Variants in PIK3R1 observed in about 807,000 individuals in gnomAD.
PIK3R1 encodes phosphoinositide-3-kinase regulatory subunit 1.
In PIK3R1, 29 loss-of-function variants were observed where a neutral mutation model predicts 98.0. The ratio of observed to expected loss-of-function variants is 0.30; its 90% CI spans 0.22 to 0.40. The LOEUF (loss-of-function observed/expected upper bound fraction) is 0.40, where lower values mean the gene tolerates loss of function less well. Ranked by LOEUF, PIK3R1 falls within the 10% of genes least tolerant of loss-of-function variation. The pLI is 1.00. For synonymous variants in PIK3R1, 282 were observed against 311.8 expected, an observed-to-expected ratio of 0.90 and a Z score of 1.01; for missense variants, 596 against 872.7, an observed-to-expected ratio of 0.68 and a Z score of 3.99.
chr5:68,273,129 G>A (rs962772204), intron 2 of PIK3R1, among the ~76,000 whole-genome samples: 3 of 152,136 alleles, frequency 2.0e-5, no homozygotes, highest in Admixed American at 6.6e-5. Context: ...CCTAGACAGG[G>A]GGGTTTGTCC....
intron 2 of PIK3R1, among the ~76,000 whole-genome samples, chr5:68,255,304 AGT>A (rs1745466130): frequency 6.6e-6 from 1 of 152,236 alleles, no homozygotes; most frequent in Admixed American, 6.5e-5. Context: ...AAGGGAAGTT[AGT>A]GTTGTAAAGG....
At chr5:68,273,632 G>A (rs555088066) in intron 3 of PIK3R1, 150 bp downstream of exon 3, 25 of 686,056 alleles carry the variant, frequency 3.6e-5, no homozygotes, top group South Asian at 3.6e-4. Context: ...TTGGGGCTAA[G>A]TACTGGGAAA....
intron 2 of PIK3R1, among the ~76,000 whole-genome samples, chr5:68,243,797 A>G (rs1308733696): frequency 6.6e-6 from 1 of 152,220 alleles, no homozygotes; most frequent in Non-Finnish European, 1.5e-5. Flanking sequence ...ATAGTCTGCC[A>G]TGAAATGATT....
intron 2 of PIK3R1, among the ~76,000 whole-genome samples, chr5:68,238,773 T>C (rs1744765392): frequency 6.6e-6 from 1 of 152,090 alleles, no homozygotes; most frequent in South Asian, 2.1e-4. Context: ...CCAAGTGAAA[T>C]AGAACAACAT....
chr5:68,252,084 A>G (rs1745332817), intron 2 of PIK3R1, among the ~76,000 whole-genome samples: 1 of 152,188 alleles, frequency 6.6e-6, no homozygotes, highest in Non-Finnish European at 1.5e-5. Context: ...CTAAAGAGCA[A>G]CAACTGGTCA....
At chr5:68,243,419 CAG>C (rs1744943724) in intron 2 of PIK3R1, among the ~76,000 whole-genome samples, 1 of 152,180 alleles carries the variant, frequency 6.6e-6, no homozygotes, top group Admixed American at 6.5e-5. Context: ...GGATTTTCCT[CAG>C]AGAAAATTCA....
At chr5:68,295,044 A>T in intron 12 of PIK3R1, 104 bp from the exon 13 acceptor site, 4 of 793,812 alleles carry the variant, frequency 5.0e-6, no homozygotes, top group Non-Finnish European at 3.7e-6. Context: ...GCCACGCTTT[A>T]CCTAAGGAAA....
chr5:68,239,776 C>A, intron 2 of PIK3R1: 1 of 453,090 alleles, frequency 2.2e-6, no homozygotes, highest in South Asian at 1.8e-5. Context: ...CCCTGGCTTG[C>A]CAGTGACGTG....
intron 15 of PIK3R1, 46 bp downstream of exon 15, chr5:68,296,387 A>G (rs770622640): frequency 7.9e-6 from 12 of 1,526,362 alleles, no homozygotes; most frequent in African/African-American, 1.4e-5. Context: ...TCATGAAGAG[A>G]TGTTTCATTT....
At chr5:68,284,561 C>G (rs1348878255) in intron 7 of PIK3R1, among the ~76,000 whole-genome samples, 1 of 152,246 alleles carries the variant, frequency 6.6e-6, no homozygotes, top group Non-Finnish European at 1.5e-5. Context: ...TCCACTTTAT[C>G]TGCACTCAAG....
rs1429791396 is a variant in PIK3R1 at position 68,280,558 on chromosome 5, T to C, written c.665T>C (p.Leu222Pro). 1 of 1,610,260 alleles carries C rather than the reference T, an allele frequency of 6.2e-7. No homozygotes were observed. Among genetic ancestry groups the C allele is most frequent in the Non-Finnish European group, 8.5e-7 (1 of 1,176,770 alleles). ...EVQSSEEYIQ[L>P]LKKLIRSPSI... is the part of the protein sequence containing the mutation. The stretch of plus-strand genomic sequence containing the variant: ...CAAAGCTCCGAAGAATATATTCAGC[T>C]ATTGAAGAAGCTTATTAGGTCGCCT... The change falls in exon 6 of 16, where the codon CTA becomes CCA. Residue 222 changes from leucine to proline, a missense_variant. Transcript: ENST00000521381.
chr5:68,275,970 G>A (rs886645485), intron 4 of PIK3R1, among the ~76,000 whole-genome samples: 1 of 152,188 alleles, frequency 6.6e-6, no homozygotes, highest in Non-Finnish European at 1.5e-5. Context: ...GTATGTCCTA[G>A]TAACTTTAAC....
chr5:68,273,777 A>C lies in PIK3R1; in HGVS notation c.428-162A>C, dbSNP rs1001447574. 6.0e-6 allele frequency: 4 copies of C among 666,238 alleles called. No individual in the cohort carries two copies. The African/African-American group carries it at 7.2e-5, about 12-fold the overall frequency. 41.3% of individuals were successfully genotyped at this position (666,238 alleles called of 1,614,324 possible). A position where few individuals can be genotyped will look rare whatever the true frequency, so the allele number is the denominator to read the frequency against. On this transcript the variant is annotated intron_variant, in intron 3 of 15. Coordinates refer to ENST00000521381, the MANE Select transcript of PIK3R1 (RefSeq NM_181523.3). ...AGATGGTTTTGCCAAAATTATCAAC[A>C]TGCCAGGTAAGATTAATAGTAGGAG... is the stretch of plus-strand genomic sequence containing the variant.
Position 68,290,992 on chromosome 5 carries a change from TTGAC to T in PIK3R1, c.917-1264_917-1261del, listed in dbSNP as rs528938620. ...ATGGCTTAAAAATTAAACAGATTGT[TTGAC>T]TGTCTGTGGAAGCAAGCAGCTCAGG... On this transcript the variant is annotated intron_variant, in intron 7 of 15. Transcript: ENST00000521381. 378 of 564,220 alleles carry T rather than the reference TTGAC, an allele frequency of 6.7e-4. 1 individual carries two copies. Among genetic ancestry groups the T allele is most frequent in the African/African-American group, 5.7e-3 (301 of 52,364 alleles). The allele number at this position is 564,220 out of a possible 1,614,324, so 35.0% of individuals were successfully genotyped here.
intron 2 of PIK3R1, among the ~76,000 whole-genome samples, chr5:68,233,029 A>G (rs1281529420): frequency 6.6e-6 from 1 of 152,360 alleles, no homozygotes; most frequent in African/African-American, 2.4e-5. Flanking sequence ...ATCTTTGTCT[A>G]CAACAAGAGA....
intron 1 of PIK3R1, among the ~76,000 whole-genome samples, chr5:68,224,357 C>G (rs1335829712): frequency 6.6e-6 from 1 of 152,170 alleles, no homozygotes; most frequent in South Asian, 2.1e-4. Context: ...CTGATATGCT[C>G]TATTGGTTGC....
At chr5:68,271,775 A>T (rs547869493) in intron 2 of PIK3R1, among the ~76,000 whole-genome samples, 1 of 149,082 alleles carries the variant, frequency 6.7e-6, no homozygotes, top group East Asian at 1.9e-4. Flanking sequence ...GCAATGGCTA[A>T]TAGAATTAGG....
intron 4 of PIK3R1, among the ~76,000 whole-genome samples, chr5:68,277,194 G>A (rs1295038748): frequency 6.6e-6 from 1 of 152,242 alleles, no homozygotes; most frequent in Non-Finnish European, 1.5e-5. Context: ...GGGGCAAAGT[G>A]TATGGGAAAC....
chr5:68,265,109 G>T (rs189494367), intron 2 of PIK3R1, among the ~76,000 whole-genome samples: 3 of 152,210 alleles, frequency 2.0e-5, no homozygotes, highest in African/African-American at 7.2e-5. Flanking sequence ...ATTGTGGTCC[G>T]AGGACCGGCA....
Sources: allele counts gnomAD v4.1 joint callset (sites outside exome capture counted in the v4.1 genomes callset), GRCh38; gene constraint gnomAD v4.1.1; transcripts MANE v1.5; gene names NCBI Gene and HGNC (gene_info 2026-07-23, HGNC 2026-07-21).